ASMTL: variants seen among roughly 807,000 people sequenced by gnomAD.
ASMTL encodes the protein acetylserotonin O-methyltransferase like, also known as probable bifunctional dTTP/UTP pyrophosphatase/methyltransferase protein.
ASMTL carries 57 observed loss-of-function variants against 60.3 expected under a neutral mutation model. The observed-to-expected ratio is 0.95, with a 90% confidence interval of 0.76 to 1.18. The LOEUF (loss-of-function observed/expected upper bound fraction) is 1.18, where lower values mean the gene tolerates loss of function less well. ASMTL is among the 50% of genes most tolerant of loss of function. The pLI is 0.00. For missense variants in ASMTL, 981 were observed against 852.6 expected (o/e 1.15, Z -1.88); for synonymous variants, 419 against 373.0 (o/e 1.12, Z -1.42).
At chrX:1,451,608 G>A (rs2091386453) in intron 1 of ASMTL, among the ~76,000 whole-genome samples, 1 of 146,766 alleles carries the variant, frequency 6.8e-6, no homozygotes, top group Non-Finnish European at 1.5e-5. Context: ...CATGCCTAGG[G>A]GTTTCGGGTC....
chrX:1,452,010 G>A lies in ASMTL; in HGVS notation c.93+738C>T, dbSNP rs750958673. 3.0e-5 allele frequency among the ~76,000 whole-genome samples: 4 copies of A among 135,020 alleles called. No individual in the cohort carries two copies. In the South Asian group the frequency reaches 9.6e-4, roughly 32 times the overall value. 88.6% of individuals were successfully genotyped at this position (135,020 alleles called of 152,430 possible). A position where few individuals can be genotyped will look rare whatever the true frequency, so the allele number is the denominator to read the frequency against. ...CATCGCTAGGGGGTCCCAGGTTACA[G>A]GTTACTCTCTCCAACCCCATCCCTA... On this transcript the variant is annotated intron_variant, in intron 1 of 12. Transcript: ENST00000381317.
chrX:1,435,053 T>C lies in ASMTL; in HGVS notation c.369A>G (p.Thr123=), dbSNP rs1387308138. ...TGGAGCAGTGGACGATCGCGACACCTGTGAACACGCTGTGTTCTCTCCCAC... is the reference window on the plus strand; with the variant it reads ...TGGAGCAGTGGACGATCGCGACACCCGTGAACACGCTGTGTTCTCTCCCAC... ...RLSGREHSVF[T]GVAIVHCSSK... The change falls in exon 5 of 13, where the codon ACA becomes ACG. Residue 123 remains threonine (T), a synonymous_variant. Coordinates refer to ENST00000381317, the MANE Select transcript of ASMTL (RefSeq NM_004192.4). 3 of 1,613,964 alleles carry C rather than the reference T, an allele frequency of 1.9e-6. No homozygotes were observed. In the Admixed American group the frequency reaches 5.0e-5, roughly 27 times the overall value.
chrX:1,414,520 C>T (rs1475378740), intron 11 of ASMTL, among the ~76,000 whole-genome samples: 3 of 152,080 alleles, frequency 2.0e-5, no homozygotes, highest in Admixed American at 6.5e-5. Context: ...CCAGCCTGGC[C>T]AACATGGTGA....
At chrX:1,415,704 G>T (rs2090218905) in intron 11 of ASMTL, among the ~76,000 whole-genome samples, 1 of 152,070 alleles carries the variant, frequency 6.6e-6, no homozygotes, top group Admixed American at 6.6e-5. Context: ...GACCACAGGG[G>T]ATCCGCCCGC....
chrX:1,432,154 C>A lies in ASMTL; in HGVS notation c.509+115G>T, dbSNP rs2090808475. 2.9e-5 allele frequency: 24 copies of A among 819,678 alleles called. No individual in the cohort carries two copies. In the South Asian group the frequency reaches 3.9e-4, roughly 13 times the overall value. The allele number at this position is 819,678 out of a possible 1,614,324, so 50.8% of individuals were successfully genotyped here. A position where few individuals can be genotyped will look rare whatever the true frequency, so the allele number is the denominator to read the frequency against. ...GCCGGGCGGCTCTCCCTGTGCCACA[C>A]GGCCCCCGGAGCGGGGCCTCCTTCT... On this transcript the variant is annotated intron_variant, in intron 6 of 12. Coordinates refer to ENST00000381317, the MANE Select transcript of ASMTL (RefSeq NM_004192.4).
chrX:1,403,529 G>A, intron 12 of ASMTL, 40 bp from the exon 13 acceptor site: 6 of 1,587,300 alleles, frequency 3.8e-6, no homozygotes, highest in Non-Finnish European at 5.2e-6. Context: ...TGGCCAGCCA[G>A]GCGGGGATCC....
rs1388459927 is a variant in ASMTL at position 1,425,779 on chromosome X, G to C, written c.898-92C>G. The C allele has an allele frequency of 3.1e-6, 4 of 1,302,736 alleles. No individual in the cohort carries two copies. The African/African-American group carries it at 5.9e-5, about 19-fold the overall frequency. 80.7% of individuals were successfully genotyped at this position (1,302,736 alleles called of 1,614,324 possible). On this transcript the variant is annotated intron_variant, in intron 7 of 12. Transcript: ENST00000381317. Reference sequence around the variant, plus strand: ...CAAAAGATGGAGGCCAACGCTGTCGGAAGTATACAACTTGGCCATTGAGCC... The same window carrying C: ...CAAAAGATGGAGGCCAACGCTGTCGCAAGTATACAACTTGGCCATTGAGCC...
Position 1,427,791 on chromosome X carries a change from G to A in ASMTL, c.840C>T (p.Thr280=). The A allele has an allele frequency of 1.9e-6, 3 of 1,612,952 alleles. No individual in the cohort carries two copies. The highest frequency in any genetic ancestry group is 2.5e-6 in the Non-Finnish European group (3 of 1,179,764). The part of the protein sequence containing the change: ...AEAECHRTRE[T]LPPFPTRLLE... ...GGAGGCGTGTCGGGAACGGAGGCAG[G>A]GTCTCCCGAGTCCTGTGACACTCAG... The change falls in exon 7 of 13, where the codon ACC becomes ACT. Residue 280 remains threonine, a synonymous_variant. Coordinates refer to ENST00000381317, the MANE Select transcript of ASMTL (RefSeq NM_004192.4).
At chrX:1,437,467 G>T (rs1219455308) in intron 3 of ASMTL, among the ~76,000 whole-genome samples, 144 of 131,878 alleles carry the variant, frequency 1.1e-3, no homozygotes, top group Middle Eastern at 0.011. Context: ...CCTGGGCTTG[G>T]AGACGCCGTC....
intron 7 of ASMTL, among the ~76,000 whole-genome samples, chrX:1,427,000 C>CAAAAA (rs1218373950): frequency 1.2e-5 from 1 of 84,134 alleles, no homozygotes. Context: ...AAAACAAAAA[C>CAAAAA]AAAAAAAAGA....
rs776967025 is a variant in ASMTL, at chrX:1,452,744, G to A, written c.93+4C>T. The A allele has an allele frequency of 1.3e-5, 21 of 1,580,766 alleles. No homozygotes were observed. In the East Asian group the frequency reaches 3.7e-4, roughly 28 times the overall value. On this transcript the variant is annotated splice_donor_region_variant and intron_variant, in intron 1 of 12. Coordinates refer to ENST00000381317, the MANE Select transcript of ASMTL (RefSeq NM_004192.4). ...CCCCTGCCCCGCCCAGGCCCAGGCC[G>A]TACCGCGTTGCTGAGGATCTCCTGA...
At chrX:1,414,045 TCATCCTGGAGTA>T (rs1301943476) in intron 11 of ASMTL, 1 of 151,254 alleles carries the variant, frequency 6.6e-6, no homozygotes, top group Non-Finnish European at 1.5e-5. Context: ...GGAGATGGGA[TCATCCTGGAGTA>T]GGGTGGGCCC....
chrX:1,434,052 G>C (rs1603451433), intron 5 of ASMTL, among the ~76,000 whole-genome samples: 1 of 152,280 alleles, frequency 6.6e-6, no homozygotes, highest in East Asian at 1.9e-4. Flanking sequence ...TTCACCTGTG[G>C]GATCTGCGCT....
intron 11 of ASMTL, chrX:1,413,276 C>T (rs1318378005): frequency 2.3e-5 from 4 of 176,890 alleles, no homozygotes; most frequent in Non-Finnish European, 4.9e-5. Context: ...GCAGGAGAAT[C>T]GCTTGAACCT....
At chrX:1,432,481 G>T in intron 5 of ASMTL, 104 bp from the exon 6 acceptor site, 1 of 810,702 alleles carries the variant, frequency 1.2e-6, no homozygotes, top group Non-Finnish European at 2.1e-6. Flanking sequence ...CGAGCGCAGC[G>T]CACAGTTCAG....
chrX:1,435,154 A>C, intron 4 of ASMTL, 71 bp from the exon 5 acceptor site: 1 of 1,537,472 alleles, frequency 6.5e-7, no homozygotes, highest in Non-Finnish European at 9.0e-7. Flanking sequence ...AGTTTCTCAA[A>C]ACCAGGGGAG....
chrX:1,440,341 C>T (rs1272648965), intron 2 of ASMTL, among the ~76,000 whole-genome samples: 7 of 152,142 alleles, frequency 4.6e-5, no homozygotes, highest in Admixed American at 1.3e-4. Flanking sequence ...CCGCCCGCCT[C>T]GGCCTCCCAA....
rs372369214 is a variant in ASMTL, at chrX:1,439,330, A to G, written c.226-186T>C. ...TGGGTCCCGCCGGTGGTCGCCCTGC[A>G]GGGGCTGGAACGTGGGTGAGGCCGG... On this transcript the variant is annotated intron_variant, in intron 2 of 12. Coordinates refer to ENST00000381317, the MANE Select transcript of ASMTL (RefSeq NM_004192.4). 3.4e-3 allele frequency: 543 copies of G among 158,538 alleles called. 3 individuals carry two copies. The highest frequency in any genetic ancestry group is 0.012 in the African/African-American group (490 of 41,598). The allele number at this position is 158,538 out of a possible 1,614,324, so 9.8% of individuals were successfully genotyped here. A position where few individuals can be genotyped will look rare whatever the true frequency, so the allele number is the denominator to read the frequency against.
intron 9 of ASMTL, among the ~76,000 whole-genome samples, chrX:1,420,959 AAT>A (rs2090469538): frequency 2.1e-5 from 1 of 48,328 alleles, no homozygotes; most frequent in African/African-American, 6.4e-5. Flanking sequence ...GCTAATCGTT[AAT>A]TTTTTTTTTT....
Sources: gnomAD v4.1 joint callset for allele counts (sites outside exome capture counted in the v4.1 genomes callset) on GRCh38, gnomAD v4.1.1 for gene constraint, MANE v1.5 for transcripts, NCBI Gene and HGNC (gene_info 2026-07-23, HGNC 2026-07-21) for gene names.